WDR7: variants seen among roughly 807,000 people sequenced by gnomAD.
The protein encoded by WDR7 is WD repeat domain 7, also known as WD repeat-containing protein 7.
A neutral mutation model predicts 169.4 loss-of-function variants in WDR7; 46 were observed. That is an observed-to-expected ratio of 0.27 (90% CI 0.21 to 0.35). The LOEUF (loss-of-function observed/expected upper bound fraction) is 0.35. Among genes scored for constraint, WDR7 ranks in the 10% least tolerant of loss-of-function variants. WDR7 has a pLI of 1.00. For missense variants in WDR7, 1,534 were observed against 1,859.3 expected (o/e 0.83, Z 3.22); for synonymous variants, 612 against 666.8 (o/e 0.92, Z 1.27).
At chr18:56,951,167 T>C (rs2047176148) in intron 25 of WDR7, among the ~76,000 whole-genome samples, 1 of 152,166 alleles carries the variant, frequency 6.6e-6, no homozygotes. Context: ...CTCACATTAT[T>C]ACCCTTTTAG....
At chr18:56,816,609 A>C (rs1241054255) in intron 20 of WDR7, among the ~76,000 whole-genome samples, 1 of 152,206 alleles carries the variant, frequency 6.6e-6, no homozygotes, top group Non-Finnish European at 1.5e-5. Flanking sequence ...TTGTTGGGCC[A>C]CTGAACATTC....
intron 26 of WDR7, 139 bp from the exon 27 acceptor site, chr18:57,020,605 TA>T: frequency 1.3e-6 from 1 of 776,114 alleles, no homozygotes; most frequent in Non-Finnish European, 2.1e-6. Flanking sequence ...CTTATTTTTC[TA>T]AGCTGATTTT....
At chr18:56,813,459 G>GTT (rs151034066) in intron 19 of WDR7, among the ~76,000 whole-genome samples, 2 of 148,510 alleles carry the variant, frequency 1.3e-5, no homozygotes, top group African/African-American at 4.9e-5. Flanking sequence ...TTTCTTAGAG[G>GTT]TTTTTTTTTT....
intron 16 of WDR7, among the ~76,000 whole-genome samples, chr18:56,775,264 AATT>A (rs2044223387): frequency 6.6e-6 from 1 of 152,130 alleles, no homozygotes; most frequent in Non-Finnish European, 1.5e-5. Flanking sequence ...GAAAAAGTGA[AATT>A]ATGGAAAAGT....
rs1028089454 is a variant in WDR7, at chr18:56,660,158, A to G, written c.-20+8582A>G. Among the ~76,000 whole-genome samples, 5 of 152,330 alleles carry G rather than the reference A, an allele frequency of 3.3e-5. No individual in the cohort carries two copies. The South Asian group carries it at 6.2e-4, about 19-fold the overall frequency. On this transcript the variant is annotated intron_variant, in intron 1 of 27. Transcript: ENST00000254442. ...TGTAGCTATAAAACTGGAGTTGCCA[A>G]TAACTAAGATGGGTAGACTGTGGGA...
chr18:56,987,482 A>AGAT (rs1301208461), intron 26 of WDR7, among the ~76,000 whole-genome samples: 3 of 152,132 alleles, frequency 2.0e-5, no homozygotes, highest in African/African-American at 7.2e-5. Flanking sequence ...TAATGGACTG[A>AGAT]GATGAGGATA....
Position 56,672,509 on chromosome 18 carries a change from A to T in WDR7, c.-7A>T, listed in dbSNP as rs759554762. The T allele has an allele frequency of 9.1e-6, 14 of 1,532,950 alleles. No individual in the cohort carries two copies. In the South Asian group the frequency reaches 1.9e-4, roughly 21 times the overall value. The allele number at this position is 1,532,950 out of a possible 1,614,324, so 95.0% of individuals were successfully genotyped here. A position where few individuals can be genotyped will look rare whatever the true frequency, so the allele number is the denominator to read the frequency against. On this transcript the variant is annotated 5_prime_UTR_variant, in exon 2 of 28. Transcript: ENST00000254442. ...ATAACATTTTCAGGTTTGAAAACAC[A>T]AACACAATGGCAGGAAACAGCCTTG... is the stretch of plus-strand genomic sequence containing the variant.
At chr18:56,859,552 G>A (rs2045773056) in intron 20 of WDR7, among the ~76,000 whole-genome samples, 1 of 152,180 alleles carries the variant, frequency 6.6e-6, no homozygotes, top group African/African-American at 2.4e-5. Context: ...ATGTCTATGT[G>A]TTCGCCTTCC....
chr18:56,939,433 CA>C, intron 25 of WDR7, 40 bp downstream of exon 25: 1 of 1,452,080 alleles, frequency 6.9e-7, no homozygotes, highest in Non-Finnish European at 9.3e-7. Context: ...AAATAATTTT[CA>C]GTAACAAATA....
intron 20 of WDR7, among the ~76,000 whole-genome samples, chr18:56,819,886 A>T (rs1483552774): frequency 7.2e-5 from 11 of 152,086 alleles, no homozygotes; most frequent in Admixed American, 7.2e-4. Flanking sequence ...CAGTATTATC[A>T]CTTAATTGCT....
chr18:56,987,146 T>A (rs534608503), intron 26 of WDR7, among the ~76,000 whole-genome samples: 2 of 152,254 alleles, frequency 1.3e-5, no homozygotes, highest in African/African-American at 2.4e-5. Flanking sequence ...TTTGATAGCA[T>A]GAGGTTTGTG....
At chr18:56,679,539 C>A in intron 3 of WDR7, 101 bp downstream of exon 3, 1 of 673,654 alleles carries the variant, frequency 1.5e-6, no homozygotes, top group East Asian at 2.9e-5. Context: ...TAGAATATCT[C>A]CTAAATAAAT....
chr18:56,855,198 C>T (rs572842535), intron 20 of WDR7, among the ~76,000 whole-genome samples: 4 of 151,644 alleles, frequency 2.6e-5, no homozygotes, highest in South Asian at 4.2e-4. Context: ...ATACGTGTTT[C>T]CTATTCTGTG....
chr18:57,000,704 GGTT>G (rs1227827170), intron 26 of WDR7, among the ~76,000 whole-genome samples: 5 of 152,080 alleles, frequency 3.3e-5, no homozygotes, highest in South Asian at 2.1e-4. Context: ...CTTATAGTTT[GGTT>G]GTTGTTCTAG....
intron 20 of WDR7, among the ~76,000 whole-genome samples, chr18:56,834,192 T>G (rs938928057): frequency 6.6e-6 from 1 of 152,198 alleles, no homozygotes; most frequent in African/African-American, 2.4e-5. Flanking sequence ...ACAATCTCTC[T>G]ACTAGGTGCC....
intron 14 of WDR7, among the ~76,000 whole-genome samples, chr18:56,752,759 G>A (rs1457134000): frequency 6.6e-6 from 1 of 152,152 alleles, no homozygotes; most frequent in Non-Finnish European, 1.5e-5. Context: ...TTTACCCACA[G>A]GAAGTAGTGA....
intron 26 of WDR7, among the ~76,000 whole-genome samples, chr18:56,977,618 T>C (rs937286196): frequency 3.9e-5 from 6 of 152,256 alleles, no homozygotes; most frequent in Non-Finnish European, 7.3e-5. Context: ...ACTTAAGTAA[T>C]TCTGCTCCTG....
intron 26 of WDR7, among the ~76,000 whole-genome samples, chr18:56,987,285 CAA>C (rs74182165): frequency 0.039 from 2,941 of 75,032 alleles, 117 homozygotes; most frequent in African/African-American, 0.091. Flanking sequence ...TCATCTGTAC[CAA>C]AAAAAAAAAA....
At chr18:56,941,505 C>T (rs1223768672) in intron 25 of WDR7, among the ~76,000 whole-genome samples, 3 of 152,036 alleles carry the variant, frequency 2.0e-5, no homozygotes, top group Admixed American at 2.0e-4. Context: ...AAATGTTTGG[C>T]AGCACAGCAG....
Sources: gnomAD v4.1 joint callset for allele counts (sites outside exome capture counted in the v4.1 genomes callset) on GRCh38, gnomAD v4.1.1 for gene constraint, MANE v1.5 for transcripts, NCBI Gene and HGNC (gene_info 2026-07-23, HGNC 2026-07-21) for gene names.